The following SLC2A9 variants were observed in gnomAD, a reference collection of about 807,000 sequenced individuals.
SLC2A9 encodes solute carrier family 2, facilitated glucose transporter member 9.
In SLC2A9, 39 loss-of-function variants were observed where a neutral mutation model predicts 50.6. That is an observed-to-expected ratio of 0.77 (90% CI 0.60 to 1.01). The LOEUF (loss-of-function observed/expected upper bound fraction) is 1.01. Ranked by LOEUF, SLC2A9 falls within the 50% of genes least tolerant of loss-of-function variation. The pLI, the probability that SLC2A9 is intolerant of heterozygous loss-of-function variation, is 0.00. For missense variants in SLC2A9, 686 were observed against 677.6 expected, an observed-to-expected ratio of 1.01 and a Z score of -0.14; for synonymous variants, 324 against 276.9, an observed-to-expected ratio of 1.17 and a Z score of -1.69.
chr4:9,931,952 CTCTCTCTCTCTA>C (rs1187821011), intron 6 of SLC2A9, among the ~76,000 whole-genome samples: 12 of 57,228 alleles, frequency 2.1e-4, no homozygotes, highest in East Asian at 7.2e-4. Flanking sequence ...CTCTCTCTCT[CTCTCTCTCTCTA>C]TATATATATA....
chr4:9,825,274 T>C (rs1259804986), downstream of SLC2A9, among the ~76,000 whole-genome samples: 1 of 152,216 alleles, frequency 6.6e-6, no homozygotes, highest in Non-Finnish European at 1.5e-5. Flanking sequence ...AACTTTAGCA[T>C]GTAAGAGTTA....
At chr4:9,826,653 G>C in intron 11 of SLC2A9, 53 bp from the exon 12 acceptor site, 2 of 1,532,072 alleles carry the variant, frequency 1.3e-6, no homozygotes. Context: ...TAAACTTGCT[G>C]TTAAACCATC....
chr4:9,849,187 T>TG (rs1729474944), intron 10 of SLC2A9, among the ~76,000 whole-genome samples: 1 of 152,058 alleles, frequency 6.6e-6, no homozygotes, highest in African/African-American at 2.4e-5. Flanking sequence ...GTAGGCCTGT[T>TG]GGAGGGTTTT....
intron 2 of SLC2A9, chr4:10,009,852 TTC>T (rs1342975465): frequency 6.6e-6 from 1 of 152,238 alleles, no homozygotes; most frequent in Non-Finnish European, 1.5e-5. Flanking sequence ...TTTGAGTATT[TTC>T]TGTTTATAAT....
At chr4:9,782,215 C>T in intron 3 of SLC2A9, 6 of 1,611,896 alleles carry the variant, frequency 3.7e-6, no homozygotes, top group Non-Finnish European at 4.2e-6. Flanking sequence ...TGCTGGTGTG[C>T]GCAGCCATCG....
At chr4:9,817,342 T>C (rs895892188) in intron 3 of SLC2A9, among the ~76,000 whole-genome samples, 2 of 152,222 alleles carry the variant, frequency 1.3e-5, no homozygotes, top group South Asian at 4.1e-4. Flanking sequence ...CATTAACTCA[T>C]TCATTCAATC....
At chr4:9,844,237 T>C (rs1304880092) in intron 10 of SLC2A9, among the ~76,000 whole-genome samples, 2 of 151,498 alleles carry the variant, frequency 1.3e-5, no homozygotes, top group Non-Finnish European at 2.9e-5. Context: ...TTGAGGTATA[T>C]GTCCCTCACC....
chr4:9,939,696 A>C (rs1361747632), intron 6 of SLC2A9, among the ~76,000 whole-genome samples: 1 of 152,100 alleles, frequency 6.6e-6, no homozygotes, highest in African/African-American at 2.4e-5. Context: ...CTTAGAATGA[A>C]ATAGTTTTCA....
At chr4:9,784,454 T>C (rs1718957291) in intron 3 of SLC2A9, among the ~76,000 whole-genome samples, 2 of 152,350 alleles carry the variant, frequency 1.3e-5, no homozygotes, top group South Asian at 4.1e-4. Context: ...AAATCGTGTT[T>C]TCTGAAGAGC....
chr4:9,956,952 T>C (rs952541693), intron 5 of SLC2A9, among the ~76,000 whole-genome samples: 40 of 152,160 alleles, frequency 2.6e-4, no homozygotes, highest in African/African-American at 8.9e-4. Context: ...GTGGAGGAAG[T>C]GGCACTCGGA....
At chr4:9,811,826 C>G (rs1199005418) in intron 3 of SLC2A9, among the ~76,000 whole-genome samples, 1 of 152,090 alleles carries the variant, frequency 6.6e-6, no homozygotes, top group Non-Finnish European at 1.5e-5. Flanking sequence ...GCTGAGAAGA[C>G]ACAAGGCTGA....
chr4:10,009,160 T>C (rs138687597), intron 2 of SLC2A9, among the ~76,000 whole-genome samples: 218 of 152,316 alleles, frequency 1.4e-3, no homozygotes, highest in African/African-American at 5.0e-3. Context: ...CCAGAACTTA[T>C]GTCGTTTGAC....
At chr4:9,883,974 G>A (rs1475590177) in intron 10 of SLC2A9, among the ~76,000 whole-genome samples, 2 of 152,166 alleles carry the variant, frequency 1.3e-5, no homozygotes, top group South Asian at 4.1e-4. Flanking sequence ...GAAGCTTTCT[G>A]CACAGTCTTT....
At chr4:9,866,209 G>GTAT (rs1481468831) in intron 10 of SLC2A9, among the ~76,000 whole-genome samples, 1 of 151,590 alleles carries the variant, frequency 6.6e-6, no homozygotes, top group African/African-American at 2.4e-5. Flanking sequence ...AATTACTATT[G>GTAT]TATTATTATT....
chr4:9,845,420 T>C (rs2109260033), intron 10 of SLC2A9, among the ~76,000 whole-genome samples: 1 of 141,050 alleles, frequency 7.1e-6, no homozygotes, highest in Middle Eastern at 3.5e-3. Context: ...ACCACGATCA[T>C]CAATTTCTTT....
intron 10 of SLC2A9, among the ~76,000 whole-genome samples, chr4:9,876,608 C>G (rs901336094): frequency 6.6e-6 from 1 of 152,092 alleles, no homozygotes; most frequent in African/African-American, 2.4e-5. Flanking sequence ...AACAAACAAA[C>G]AAGCAAACAA....
At chr4:9,859,364 C>T (rs534272804) in intron 10 of SLC2A9, among the ~76,000 whole-genome samples, 2 of 152,324 alleles carry the variant, frequency 1.3e-5, no homozygotes, top group Non-Finnish European at 2.9e-5. Context: ...TACAGTGTGG[C>T]CTTCCATGCA....
At chr4:9,930,349 G>A (rs1577942774) in intron 6 of SLC2A9, among the ~76,000 whole-genome samples, 1 of 152,278 alleles carries the variant, frequency 6.6e-6, no homozygotes, top group South Asian at 2.1e-4. Flanking sequence ...ACAGGCCCAG[G>A]GTGAAAAAGA....
chr4:10,003,860 T>C (rs182417751), intron 2 of SLC2A9, among the ~76,000 whole-genome samples: 17 of 152,346 alleles, frequency 1.1e-4, no homozygotes, highest in African/African-American at 3.8e-4. Flanking sequence ...AGTTACAATA[T>C]GCTCTGTACT....
Sources: gnomAD v4.1 joint callset for allele counts (sites outside exome capture counted in the v4.1 genomes callset) on GRCh38, gnomAD v4.1.1 for gene constraint, MANE v1.5 for transcripts, NCBI Gene and HGNC (gene_info 2026-07-23, HGNC 2026-07-21) for gene names.